EP300: variants seen among roughly 807,000 people sequenced by gnomAD.
EP300 encodes the protein histone acetyltransferase p300.
In EP300, 31 loss-of-function variants were observed where a neutral mutation model predicts 264.0. The ratio of observed to expected loss-of-function variants is 0.12; its 90% CI spans 0.09 to 0.16. The LOEUF (loss-of-function observed/expected upper bound fraction) is 0.16. EP300 is among the 10% of genes least tolerant of loss of function. The pLI, the probability that EP300 is intolerant of heterozygous loss-of-function variation, is 1.00. For missense variants in EP300, 2,766 were observed against 3,052.9 expected (o/e 0.91, Z 2.21); for synonymous variants, 1,340 against 1,045.4 (o/e 1.28, Z -5.44).
chr22:41,117,452 C>T lies in EP300; in HGVS notation c.360C>T (p.Ser120=). The T allele has an allele frequency of 1.2e-6, 2 of 1,614,124 alleles. No homozygotes were observed. Among genetic ancestry groups the T allele is most frequent in the Non-Finnish European group, 1.7e-6 (2 of 1,179,942 alleles). ...QSSPGLGLIN[S]MVKSPMTQAG... ...GTCCTGGATTAGGTTTGATAAATAG[C>T]ATGGTCAAAAGCCCAATGACACAGG... is the stretch of plus-strand genomic sequence containing the variant. Residue 120 remains serine (S), a synonymous_variant, in exon 2 of 31, where the codon AGC becomes AGT. Transcript: ENST00000263253.
At chr22:41,129,811 T>C (rs918851354) in intron 4 of EP300, 79 bp from the exon 5 acceptor site, 8 of 1,044,666 alleles carry the variant, frequency 7.7e-6, no homozygotes, top group Admixed American at 7.4e-5. Context: ...ATGTTACTTA[T>C]TAAGTGGTCA....
intron 26 of EP300, 31 bp downstream of exon 26, chr22:41,169,647 T>G (rs1465545612): frequency 7.8e-7 from 1 of 1,279,450 alleles, no homozygotes; most frequent in Non-Finnish European, 1.1e-6. Flanking sequence ...GCTTTTTTTC[T>G]TTAACTAGCA....
intron 1 of EP300, among the ~76,000 whole-genome samples, chr22:41,100,710 G>GGT (rs1485387136): frequency 6.6e-6 from 1 of 152,078 alleles, no homozygotes; most frequent in East Asian, 1.9e-4. Flanking sequence ...TATATGGGTG[G>GGT]GTGTGTGTAG....
chr22:41,131,243 C>G (rs1286266430), intron 5 of EP300, 145 bp from the exon 6 acceptor site: 3 of 963,250 alleles, frequency 3.1e-6, no homozygotes, highest in Non-Finnish European at 4.8e-6. Flanking sequence ...AAATTTCTTC[C>G]AGGAAATAAT....
Position 41,149,186 on chromosome 22 carries a change from T to C in EP300, c.2379+11T>C. 1 of 1,614,184 alleles carries C rather than the reference T, an allele frequency of 6.2e-7. No individual in the cohort carries two copies. Among genetic ancestry groups the C allele is most frequent in the Non-Finnish European group, 8.5e-7 (1 of 1,180,018 alleles). On this transcript the variant is annotated intron_variant, in intron 13 of 30. Coordinates refer to ENST00000263253, the MANE Select transcript of EP300 (RefSeq NM_001429.4). Reference sequence around the variant, plus strand: ...GCTCCAGTGTCTCAAGTATGTCTCATAAGTGGATTTTTCACTTATTTTTGA... The same window carrying C: ...GCTCCAGTGTCTCAAGTATGTCTCACAAGTGGATTTTTCACTTATTTTTGA...
chr22:41,106,080 A>G (rs1317519839), intron 1 of EP300, among the ~76,000 whole-genome samples: 1 of 152,204 alleles, frequency 6.6e-6, no homozygotes, highest in East Asian at 1.9e-4. Context: ...TGATTAGATA[A>G]TTCTTCATTT....
At chr22:41,147,750 A>G in intron 11 of EP300, 87 bp from the exon 12 acceptor site, 1 of 998,594 alleles carries the variant, frequency 1.0e-6, no homozygotes, top group Non-Finnish European at 1.6e-6. Flanking sequence ...AAAAAAAAAA[A>G]GATACAGAAT....
chr22:41,178,599 C>G lies in EP300; in HGVS notation c.6888C>G (p.Gly2296=), dbSNP rs1002354415. ...PNQAQSPHLQ[G]QQIPNSLSNQ... Reference sequence around the variant, plus strand: ...AGGCCCAGTCCCCACACCTACAAGGCCAGCAGATCCCTAATTCTCTCTCCA... The same window carrying G: ...AGGCCCAGTCCCCACACCTACAAGGGCAGCAGATCCCTAATTCTCTCTCCA... The change falls in exon 31 of 31, where the codon GGC becomes GGG. Residue 2296 remains glycine (G), a synonymous_variant. Coordinates refer to ENST00000263253, the MANE Select transcript of EP300 (RefSeq NM_001429.4). The G allele has an allele frequency of 1.9e-6, 3 of 1,614,126 alleles. No homozygotes were observed. Among genetic ancestry groups the G allele is most frequent in the Non-Finnish European group, 2.5e-6 (3 of 1,180,020 alleles).
chr22:41,118,027 A>G (rs1188504724), intron 2 of EP300, among the ~76,000 whole-genome samples: 1 of 152,164 alleles, frequency 6.6e-6, no homozygotes, highest in Non-Finnish European at 1.5e-5. Flanking sequence ...CTTCCAAATG[A>G]TTGCTGGCTA....
At chr22:41,154,105 T>C (rs2059062695) in intron 16 of EP300, among the ~76,000 whole-genome samples, 1 of 152,234 alleles carries the variant, frequency 6.6e-6, no homozygotes. Context: ...ACTAAGTCTA[T>C]TATTTTAGCA....
intron 2 of EP300, among the ~76,000 whole-genome samples, chr22:41,119,497 C>A (rs1300058745): frequency 3.3e-5 from 5 of 152,054 alleles, no homozygotes; most frequent in Non-Finnish European, 7.4e-5. Flanking sequence ...GGATGACTTA[C>A]AATAAACCCT....
chr22:41,106,448 A>C (rs183064350), intron 1 of EP300, among the ~76,000 whole-genome samples: 17 of 152,164 alleles, frequency 1.1e-4, no homozygotes, highest in African/African-American at 4.1e-4. Context: ...TGCCCACCTC[A>C]TCACTCACTT....
At chr22:41,136,540 A>G (rs1302261496) in intron 7 of EP300, among the ~76,000 whole-genome samples, 1 of 152,068 alleles carries the variant, frequency 6.6e-6, no homozygotes, top group African/African-American at 2.4e-5. Context: ...GTGCACCTGT[A>G]GTCCCAGCTA....
At chr22:41,139,560 A>G (rs1329190769) in intron 8 of EP300, among the ~76,000 whole-genome samples, 2 of 152,236 alleles carry the variant, frequency 1.3e-5, no homozygotes, top group African/African-American at 4.8e-5. Flanking sequence ...AAATAAAATT[A>G]GTGCCTAAAG....
In EP300 at chr22:41,117,523, A is replaced by G. The variant is rs372121861; in HGVS notation, c.431A>G (p.Asn144Ser). The G allele has an allele frequency of 2.5e-6, 4 of 1,613,978 alleles. No homozygotes were observed. In the African/African-American group the frequency reaches 4.0e-5, roughly 16 times the overall value. ...ATGGGGATGGGCACTAGTGGACCAA[A>G]TCAGGGTCCTACGCAGTCAACAGGT... ...PNMGMGTSGP[N>S]QGPTQSTGMM... The change falls in exon 2 of 31, where the codon AAT (asparagine) becomes AGT (serine). Residue 144 changes from asparagine (N) to serine (S), a missense_variant. Coordinates refer to ENST00000263253, the MANE Select transcript of EP300 (RefSeq NM_001429.4).
intron 20 of EP300, 106 bp from the exon 21 acceptor site, chr22:41,162,617 A>C: frequency 1.2e-6 from 1 of 860,934 alleles, no homozygotes; most frequent in Non-Finnish European, 1.9e-6. Context: ...TATTCTTAAA[A>C]AACCTGAATC....
intron 30 of EP300, 85 bp from the exon 31 acceptor site, chr22:41,176,688 C>G: frequency 1.2e-6 from 2 of 1,612,756 alleles, no homozygotes; most frequent in Non-Finnish European, 8.5e-7. Context: ...ACGAAAGGGG[C>G]TTTTCTAGCC....
intron 20 of EP300, among the ~76,000 whole-genome samples, chr22:41,161,180 C>T (rs761491313): frequency 4.6e-5 from 7 of 152,194 alleles, no homozygotes; most frequent in African/African-American, 7.2e-5. Context: ...TGTAGGTTAA[C>T]AGAAGACCCA....
chr22:41,103,629 C>G (rs1438478724), intron 1 of EP300, among the ~76,000 whole-genome samples: 1 of 152,080 alleles, frequency 6.6e-6, no homozygotes, highest in African/African-American at 2.4e-5. Flanking sequence ...TCAGATGAAG[C>G]TAACATGTTT....
Sources: gnomAD v4.1 joint callset for allele counts (sites outside exome capture counted in the v4.1 genomes callset) on GRCh38, gnomAD v4.1.1 for gene constraint, MANE v1.5 for transcripts, NCBI Gene and HGNC (gene_info 2026-07-23, HGNC 2026-07-21) for gene names.